The following ASIC2 variants were observed in gnomAD, a reference collection of about 807,000 sequenced individuals.
ASIC2 encodes the protein acid sensing ion channel subunit 2.
A neutral mutation model predicts 57.3 loss-of-function variants in ASIC2; 25 were observed. The observed-to-expected ratio is 0.44, with a 90% CI of 0.32 to 0.61. ASIC2 has a LOEUF of 0.61. Among genes scored for constraint, ASIC2 ranks in the 20% least tolerant of loss-of-function variants. The pLI is 0.06. For synonymous variants in ASIC2, 319 were observed against 307.5 expected, an observed-to-expected ratio of 1.04 and a Z score of -0.39; for missense variants, 641 against 738.1, an observed-to-expected ratio of 0.87 and a Z score of 1.52.
At chr17:33,613,248 A>G (rs951835856) in intron 1 of ASIC2, among the ~76,000 whole-genome samples, 1 of 152,160 alleles carries the variant, frequency 6.6e-6, no homozygotes, top group Non-Finnish European at 1.5e-5. Flanking sequence ...TAAAATAGAT[A>G]TACAAAAGGA....
chr17:33,334,991 G>C (rs1376857548), intron 1 of ASIC2, among the ~76,000 whole-genome samples: 1 of 152,148 alleles, frequency 6.6e-6, no homozygotes, highest in Non-Finnish European at 1.5e-5. Flanking sequence ...GAAAACTTGG[G>C]GCTGATGAAC....
chr17:33,129,973 C>G (rs1423280354), intron 1 of ASIC2, among the ~76,000 whole-genome samples: 2 of 152,204 alleles, frequency 1.3e-5, no homozygotes, highest in African/African-American at 2.4e-5. Flanking sequence ...GTTCATAAGG[C>G]AGATCAGTTG....
At chr17:33,820,016 T>C (rs554309575) in intron 1 of ASIC2, among the ~76,000 whole-genome samples, 2 of 152,252 alleles carry the variant, frequency 1.3e-5, no homozygotes, top group East Asian at 1.9e-4. Context: ...GAGACTCTTA[T>C]GGAGTTTGCA....
At chr17:33,894,343 G>A (rs946953252) in intron 1 of ASIC2, among the ~76,000 whole-genome samples, 8 of 48,848 alleles carry the variant, frequency 1.6e-4, no homozygotes, top group East Asian at 6.6e-4. Context: ...GCGTGCGTGC[G>A]TGCGTGCGTG....
chr17:34,029,945 A>G (rs1024122739), intron 1 of ASIC2, among the ~76,000 whole-genome samples: 2 of 152,194 alleles, frequency 1.3e-5, no homozygotes, highest in Non-Finnish European at 2.9e-5. Context: ...GGCCCAGAGG[A>G]ATTGAATTCA....
At chr17:33,869,967 A>C (rs1385479214) in intron 1 of ASIC2, among the ~76,000 whole-genome samples, 1 of 152,204 alleles carries the variant, frequency 6.6e-6, no homozygotes, top group East Asian at 1.9e-4. Flanking sequence ...TATTTGGCCC[A>C]ATGGCTGTAG....
chr17:33,945,146 T>G (rs1904332670), intron 1 of ASIC2, among the ~76,000 whole-genome samples: 2 of 152,176 alleles, frequency 1.3e-5, no homozygotes, highest in Admixed American at 1.3e-4. Context: ...AGGTGCTGCT[T>G]TTCCAATGTG....
intron 1 of ASIC2, among the ~76,000 whole-genome samples, chr17:34,079,940 G>T (rs568039627): frequency 1.3e-4 from 19 of 151,846 alleles, no homozygotes; most frequent in South Asian, 2.1e-4. Flanking sequence ...CACTTTACCG[G>T]AATTTCTATG....
At chr17:33,920,325 G>C (rs1373454091) in intron 1 of ASIC2, among the ~76,000 whole-genome samples, 1 of 152,156 alleles carries the variant, frequency 6.6e-6, no homozygotes, top group African/African-American at 2.4e-5. Flanking sequence ...ATCAAAGATG[G>C]ACTAGATAAA....
At chr17:34,038,551 C>A (rs1907980118) in intron 1 of ASIC2, 1 of 1,609,956 alleles carries the variant, frequency 6.2e-7, no homozygotes, top group African/African-American at 1.3e-5. Flanking sequence ...GATGTAACAA[C>A]AAATATCTGT....
At chr17:33,678,344 C>T (rs567967657) in intron 1 of ASIC2, among the ~76,000 whole-genome samples, 2 of 151,860 alleles carry the variant, frequency 1.3e-5, no homozygotes, top group South Asian at 4.2e-4. Flanking sequence ...TTTGCAATAT[C>T]TCTGAATTAT....
intron 1 of ASIC2, among the ~76,000 whole-genome samples, chr17:33,350,761 C>T (rs1300598763): frequency 6.6e-6 from 1 of 150,728 alleles, no homozygotes; most frequent in Non-Finnish European, 1.5e-5. Flanking sequence ...TCAGCAACAC[C>T]TAACCTTCTA....
At chr17:34,069,501 G>A (rs1464226792) in intron 1 of ASIC2, 2 of 152,052 alleles carry the variant, frequency 1.3e-5, no homozygotes, top group Non-Finnish European at 2.9e-5. Flanking sequence ...TTCAGGGAAA[G>A]AGGAAGCTCC....
At chr17:34,095,571 C>A (rs1217409799) in intron 1 of ASIC2, among the ~76,000 whole-genome samples, 1 of 142,974 alleles carries the variant, frequency 7.0e-6, no homozygotes, top group Non-Finnish European at 1.5e-5. Context: ...TGGTAGGAAC[C>A]AGCCAAGGGA....
chr17:33,706,186 G>C (rs1220220347), intron 1 of ASIC2, among the ~76,000 whole-genome samples: 1 of 141,106 alleles, frequency 7.1e-6, no homozygotes, highest in Non-Finnish European at 1.5e-5. Flanking sequence ...GTGTGTGTAT[G>C]ACTATACATA....
intron 1 of ASIC2, among the ~76,000 whole-genome samples, chr17:33,552,621 A>G (rs1261150937): frequency 6.6e-6 from 1 of 152,244 alleles, no homozygotes; most frequent in Non-Finnish European, 1.5e-5. Flanking sequence ...AGTGAGGGTG[A>G]GACAATATGT....
chr17:33,458,779 C>A (rs1210726452), intron 1 of ASIC2, among the ~76,000 whole-genome samples: 1 of 152,160 alleles, frequency 6.6e-6, no homozygotes, highest in African/African-American at 2.4e-5. Flanking sequence ...TTTCTATGAT[C>A]TCTTCCAGTC....
intron 1 of ASIC2, among the ~76,000 whole-genome samples, chr17:33,236,287 T>G (rs1317272457): frequency 1.3e-5 from 2 of 152,144 alleles, no homozygotes; most frequent in African/African-American, 4.8e-5. Context: ...TCTTCAAAAT[T>G]CATGTCCACC....
chr17:33,344,738 A>G (rs1907876461), intron 1 of ASIC2, among the ~76,000 whole-genome samples: 1 of 152,140 alleles, frequency 6.6e-6, no homozygotes, highest in Non-Finnish European at 1.5e-5. Flanking sequence ...TTTTCAGGTT[A>G]TTAACCCACT....
Sources: gnomAD v4.1 joint callset for allele counts (sites outside exome capture counted in the v4.1 genomes callset) on GRCh38, gnomAD v4.1.1 for gene constraint, MANE v1.5 for transcripts, NCBI Gene and HGNC (gene_info 2026-07-23, HGNC 2026-07-21) for gene names.